BAZ1A: variants seen among roughly 807,000 people sequenced by gnomAD.
BAZ1A encodes bromodomain adjacent to zinc finger domain 1A.
Under a neutral mutation model 185.2 loss-of-function variants are expected in BAZ1A, and 50 were observed. The ratio of observed to expected loss-of-function variants is 0.27; its 90% confidence interval spans 0.22 to 0.34. The LOEUF is 0.34. Among genes scored for constraint, BAZ1A ranks in the 10% least tolerant of loss-of-function variants. The pLI, the probability that BAZ1A is intolerant of heterozygous loss-of-function variation, is 1.00. For synonymous variants in BAZ1A, 571 were observed against 615.6 expected, an observed-to-expected ratio of 0.93 and a Z score of 1.07; for missense variants, 1,356 against 1,839.9, an observed-to-expected ratio of 0.74 and a Z score of 4.81.
chr14:34,849,972 G>T (rs2042572347), intron 3 of BAZ1A, among the ~76,000 whole-genome samples: 1 of 152,060 alleles, frequency 6.6e-6, no homozygotes, highest in Non-Finnish European at 1.5e-5. Context: ...AACTTTGAGT[G>T]TCTACACAGA....
chr14:34,761,807 G>T lies in BAZ1A; in HGVS notation c.4193C>A (p.Ser1398Tyr). 1 of 1,614,208 alleles carries T rather than the reference G, an allele frequency of 6.2e-7. No homozygotes were observed. The highest frequency in any genetic ancestry group is 8.5e-7 in the Non-Finnish European group (1 of 1,180,030). ...SRSVNIASKL[S>Y]LQESESKRRC... ...TCTTTTGGATTCACTCTCTTGGAGAGAAAGTTTTGAAGCAATATTTACAGA... is the reference window on the plus strand; with the variant it reads ...TCTTTTGGATTCACTCTCTTGGAGATAAAGTTTTGAAGCAATATTTACAGA... The change falls in exon 24 of 27, where the codon TCT becomes TAT. Residue 1398 changes from serine to tyrosine, a missense_variant. Physicochemically the swap from Ser to Tyr is moderately radical, Grantham distance 144. Around this residue, in one of 7 missense-constraint regions of BAZ1A, gnomAD observed 309 missense variants for 355.3 expected, o/e 0.87. Coordinates refer to ENST00000360310, the MANE Select transcript of BAZ1A (RefSeq NM_013448.3).
chr14:34,842,400 G>C (rs571950801), intron 3 of BAZ1A, among the ~76,000 whole-genome samples: 1 of 152,066 alleles, frequency 6.6e-6, no homozygotes, highest in Non-Finnish European at 1.5e-5. Flanking sequence ...TGCAGAGTAC[G>C]CAAGTAAAAT....
chr14:34,807,712 A>G (rs763779874), intron 5 of BAZ1A, among the ~76,000 whole-genome samples, 174 bp from the exon 6 acceptor site: 3 of 152,172 alleles, frequency 2.0e-5, no homozygotes, highest in Non-Finnish European at 4.4e-5. Flanking sequence ...TTACAGAGGT[A>G]TTTATTAGGA....
At chr14:34,809,380 T>C (rs1010045217) in intron 5 of BAZ1A, among the ~76,000 whole-genome samples, 2 of 152,214 alleles carry the variant, frequency 1.3e-5, no homozygotes, top group Non-Finnish European at 2.9e-5. Context: ...ATTGTTTATT[T>C]ATAAATAAAA....
intron 20 of BAZ1A, among the ~76,000 whole-genome samples, 155 bp from the exon 21 acceptor site, chr14:34,771,814 C>T (rs1022916885): frequency 6.6e-6 from 1 of 152,042 alleles, no homozygotes; most frequent in South Asian, 2.1e-4. Flanking sequence ...AAGGGAGATT[C>T]ATTTAGAAGG....
At chr14:34,804,484 A>T (rs1370475934) in intron 6 of BAZ1A, among the ~76,000 whole-genome samples, 1 of 152,238 alleles carries the variant, frequency 6.6e-6, no homozygotes, top group Non-Finnish European at 1.5e-5. Flanking sequence ...AACAAAACAG[A>T]AAAGGGTATT....
intron 4 of BAZ1A, among the ~76,000 whole-genome samples, chr14:34,825,167 G>C (rs1045467536): frequency 6.6e-6 from 1 of 151,944 alleles, no homozygotes; most frequent in Non-Finnish European, 1.5e-5. Context: ...GTAAACAAAA[G>C]TAGGGGCCAG....
chr14:34,846,808 TCTAA>T (rs1188471762), intron 3 of BAZ1A, among the ~76,000 whole-genome samples: 9 of 152,148 alleles, frequency 5.9e-5, no homozygotes, highest in African/African-American at 1.4e-4. Context: ...ATAGTTCTAC[TCTAA>T]CTTAGATTCC....
intron 3 of BAZ1A, among the ~76,000 whole-genome samples, chr14:34,848,035 T>C (rs1156366974): frequency 6.6e-6 from 1 of 152,078 alleles, no homozygotes; most frequent in Non-Finnish European, 1.5e-5. Flanking sequence ...AATTTTTGTA[T>C]TGTTTTTATA....
intron 17 of BAZ1A, among the ~76,000 whole-genome samples, chr14:34,777,042 T>C (rs542578042): frequency 2.0e-5 from 3 of 152,374 alleles, no homozygotes; most frequent in African/African-American, 7.2e-5. Context: ...ATCTGTCATT[T>C]CCATACTGGA....
chr14:34,795,768 A>G lies in BAZ1A; in HGVS notation c.1129-3T>C. ...TCTTCACGTAACTTCTCTCTTTCCT[A>G]GAAATTTTTAAAAGTTAATAACAAT... On this transcript the variant is annotated splice_region_variant and splice_polypyrimidine_tract_variant and intron_variant, in intron 9 of 26. Coordinates refer to ENST00000360310, the MANE Select transcript of BAZ1A (RefSeq NM_013448.3). 1 of 1,605,320 alleles carries G rather than the reference A, an allele frequency of 6.2e-7. No homozygotes were observed. The highest frequency in any genetic ancestry group is 8.5e-7 in the Non-Finnish European group (1 of 1,175,044).
Position 34,762,086 on chromosome 14 carries a change from G to A in BAZ1A, c.3914C>T (p.Thr1305Ile). 6.2e-7 allele frequency: 1 copy of A among 1,614,172 alleles called. No homozygotes were observed. Among genetic ancestry groups the A allele is most frequent in the Non-Finnish European group, 8.5e-7 (1 of 1,180,024 alleles). The change falls in exon 24 of 27, where the codon ACA becomes ATA. Residue 1305 changes from threonine (T) to isoleucine (I), a missense_variant. This residue lies in a region of BAZ1A where 309 missense variants were observed against 355.3 expected (regional missense o/e 0.87). Coordinates refer to ENST00000360310, the MANE Select transcript of BAZ1A (RefSeq NM_013448.3). ...PSRSQQSTPK[T>I]TVSSKTGRSL... is the part of the protein sequence containing the mutation. The stretch of plus-strand genomic sequence containing the variant: ...TCTACCAGTTTTAGAAGAAACAGTT[G>A]TTTTGGGTGTGCTCTGCTGACTCCT...
intron 3 of BAZ1A, among the ~76,000 whole-genome samples, chr14:34,826,619 C>T (rs891982061): frequency 2.0e-5 from 3 of 152,150 alleles, no homozygotes; most frequent in Non-Finnish European, 4.4e-5. Flanking sequence ...CTTTGCTCCA[C>T]TGGTTAAGAG....
At chr14:34,810,120 A>G (rs894367928) in intron 5 of BAZ1A, among the ~76,000 whole-genome samples, 1 of 152,144 alleles carries the variant, frequency 6.6e-6, no homozygotes, top group African/African-American at 2.4e-5. Flanking sequence ...GTTTGGATAC[A>G]TGAATATATA....
chr14:34,792,661 T>A, intron 12 of BAZ1A, 114 bp downstream of exon 12: 1 of 1,244,972 alleles, frequency 8.0e-7, no homozygotes. Context: ...TCAGGTAACC[T>A]GAACAACTAT....
At position 34,874,137 on chromosome 14, in the gene BAZ1A, C is replaced by G. The variant is rs1028001093; in HGVS notation, c.113+355G>C. Reference sequence around the variant, plus strand: ...GCCGGGAGGGGATCCCGGAACTGGCCCCGGAGTGCGCGTGTGGCCGCGGCG... The same window carrying G: ...GCCGGGAGGGGATCCCGGAACTGGCGCCGGAGTGCGCGTGTGGCCGCGGCG... On this transcript the variant is annotated intron_variant, in intron 2 of 26. Coordinates refer to ENST00000360310, the MANE Select transcript of BAZ1A (RefSeq NM_013448.3). This position sits in a 1 kb window ranked among gnomAD's most constrained non-coding sequence, Gnocchi z 4.7. 1.3e-5 allele frequency among the ~76,000 whole-genome samples: 2 copies of G among 152,086 alleles called. No individual in the cohort carries two copies. The highest frequency in any genetic ancestry group is 2.9e-5 in the Non-Finnish European group (2 of 67,976).
At chr14:34,806,668 T>G (rs1297064466) in intron 6 of BAZ1A, among the ~76,000 whole-genome samples, 1 of 152,216 alleles carries the variant, frequency 6.6e-6, no homozygotes, top group Non-Finnish European at 1.5e-5. Flanking sequence ...AAAACTTGAC[T>G]TTTTCCTCTC....
In BAZ1A at chr14:34,765,218, C is replaced by G; in HGVS notation, c.3352G>C (p.Glu1118Gln). 1 of 1,614,110 alleles carries G rather than the reference C, an allele frequency of 6.2e-7. No homozygotes were observed. The highest frequency in any genetic ancestry group is 8.5e-7 in the Non-Finnish European group (1 of 1,180,028). The change falls in exon 22 of 27, where the codon GAG (glutamate) becomes CAG (glutamine). Residue 1118 changes from glutamate to glutamine, a missense_variant. Around this residue, in one of 7 missense-constraint regions of BAZ1A, gnomAD observed 434 missense variants for 561.7 expected, o/e 0.77. Coordinates refer to ENST00000360310, the MANE Select transcript of BAZ1A (RefSeq NM_013448.3). ...AGACTAGCAGAAGAAAGGAGAGACT[C>G]TCTCCAACGGTCCAGAACTGTTTTA... ...SYKTVLDRWR[E>Q]SLLSSASLSQ... is the part of the protein sequence containing the mutation.
In BAZ1A at chr14:34,761,791, T is replaced by G; in HGVS notation, c.4209A>C (p.Glu1403Asp). The change falls in exon 24 of 27, where the codon GAA (glutamate) becomes GAC (aspartate). Residue 1403 changes from glutamate to aspartate, a missense_variant. Around this residue, in one of 7 missense-constraint regions of BAZ1A, gnomAD observed 309 missense variants for 355.3 expected, o/e 0.87. Transcript: ENST00000360310. ...GTCTTTTTCTGCATCTTCTTTTGGA[T>G]TCACTCTCTTGGAGAGAAAGTTTTG... ...IASKLSLQES[E>D]SKRRCRKRQS... 1 of 1,613,624 alleles carries G rather than the reference T, an allele frequency of 6.2e-7. No individual in the cohort carries two copies. The highest frequency in any genetic ancestry group is 8.5e-7 in the Non-Finnish European group (1 of 1,179,584).
Sources: allele counts gnomAD v4.1 joint callset (sites outside exome capture counted in the v4.1 genomes callset), GRCh38; gene constraint gnomAD v4.1.1; regional missense constraint gnomAD v4.1.1; non-coding constraint Gnocchi (gnomAD v3.1); transcripts MANE v1.5; gene names NCBI Gene and HGNC (gene_info 2026-07-23, HGNC 2026-07-21).